KCTD1: variants seen among roughly 807,000 people sequenced by gnomAD.
KCTD1 encodes potassium channel tetramerization domain containing 1, also known as BTB/POZ domain-containing protein KCTD1.
A neutral mutation model predicts 66.0 loss-of-function variants in KCTD1; 24 were observed. The observed-to-expected ratio is 0.36, with a 90% confidence interval of 0.26 to 0.51. The LOEUF (loss-of-function observed/expected upper bound fraction) is 0.51. KCTD1 is among the 20% of genes least tolerant of loss of function. The pLI is 0.95. For synonymous variants in KCTD1, 511 were observed against 517.2 expected (o/e 0.99, Z 0.16); for missense variants, 943 against 1,205.2 (o/e 0.78, Z 3.22).
intron 1 of KCTD1, among the ~76,000 whole-genome samples, chr18:26,610,605 G>A (rs895029059): frequency 6.8e-6 from 1 of 146,648 alleles, no homozygotes; most frequent in Non-Finnish European, 1.5e-5. Context: ...AAGGAAGGAA[G>A]GAAGGAAGGA....
rs1189243453 is a variant in KCTD1, at chr18:26,480,076, A to G, written c.1989-3417T>C. Among the ~76,000 whole-genome samples, 4 of 150,054 alleles carry G rather than the reference A, an allele frequency of 2.7e-5. No individual in the cohort carries two copies. The East Asian group carries it at 7.9e-4, about 30-fold the overall frequency. ...TTTTTTTTTTTCACTCATTGAATCA[A>G]GTGGCAATGCTGAGAACGACTTTCT... On this transcript the variant is annotated intron_variant, in intron 2 of 4. Transcript: ENST00000580059.
chr18:26,555,306 A>G (rs1451130240), intron 1 of KCTD1, among the ~76,000 whole-genome samples: 3 of 152,222 alleles, frequency 2.0e-5, no homozygotes, highest in Non-Finnish European at 1.5e-5. Context: ...TTTTACTATC[A>G]ATATAAATTA....
intron 1 of KCTD1, among the ~76,000 whole-genome samples, chr18:26,621,452 C>A (rs1032936052): frequency 5.3e-5 from 8 of 152,124 alleles, no homozygotes; most frequent in African/African-American, 1.9e-4. Context: ...CGGCGGAATT[C>A]GTCTTAGCCG....
intron 1 of KCTD1, among the ~76,000 whole-genome samples, chr18:26,515,317 T>C (rs1397309365): frequency 6.6e-6 from 1 of 152,164 alleles, no homozygotes; most frequent in Non-Finnish European, 1.5e-5. Flanking sequence ...ATGCCATCTT[T>C]TGCAAAGAAG....
upstream of KCTD1, among the ~76,000 whole-genome samples, chr18:26,643,684 C>G (rs546854424): frequency 6.6e-6 from 1 of 152,030 alleles, no homozygotes; most frequent in Non-Finnish European, 1.5e-5. Context: ...GCCTGCTGGC[C>G]GGGTGCGGTG....
At chr18:26,550,800 C>T (rs1435479915), upstream of KCTD1, among the ~76,000 whole-genome samples, 1 of 152,242 alleles carries the variant, frequency 6.6e-6, no homozygotes, top group East Asian at 1.9e-4. The surrounding 1 kb of genome is among the most constrained non-coding windows in gnomAD (Gnocchi z 5.4). Context: ...CCCCCACATA[C>T]GAGCTGGCAC....
At chr18:26,630,978 C>A (rs1987606733), upstream of KCTD1, among the ~76,000 whole-genome samples, 1 of 151,782 alleles carries the variant, frequency 6.6e-6, no homozygotes, top group Non-Finnish European at 1.5e-5. Context: ...ATCTTGATAT[C>A]CTCCCTACAC....
At chr18:26,614,864 T>C (rs2145001222) in intron 1 of KCTD1, among the ~76,000 whole-genome samples, 1 of 152,368 alleles carries the variant, frequency 6.6e-6, no homozygotes, top group South Asian at 2.1e-4. Flanking sequence ...TTACCAGTTA[T>C]GTACCGTGAA....
chr18:26,638,776 T>C (rs1273519407), intron 1 of KCTD1, among the ~76,000 whole-genome samples: 1 of 152,248 alleles, frequency 6.6e-6, no homozygotes, highest in African/African-American at 2.4e-5. Context: ...CAACTGCCTC[T>C]TTCCTGACTT....
chr18:26,625,504 C>T (rs1987479332), intron 1 of KCTD1, among the ~76,000 whole-genome samples: 1 of 152,144 alleles, frequency 6.6e-6, no homozygotes, highest in Non-Finnish European at 1.5e-5. Context: ...CTCCTTCCTG[C>T]CACCATGTGG....
At chr18:26,485,701 A>G (rs1322451834) in intron 2 of KCTD1, among the ~76,000 whole-genome samples, 1 of 152,112 alleles carries the variant, frequency 6.6e-6, no homozygotes, top group African/African-American at 2.4e-5. Flanking sequence ...GCAGGCAAGC[A>G]TGAGCATATG....
chr18:26,648,570 AT>A (rs529659337), intron 1 of KCTD1, among the ~76,000 whole-genome samples: 27 of 152,138 alleles, frequency 1.8e-4, no homozygotes, highest in Non-Finnish European at 3.4e-4. Flanking sequence ...CAGAGTAAAT[AT>A]TTTTTCCTCA....
chr18:26,466,933 G>T (rs1264851019), intron 3 of KCTD1, among the ~76,000 whole-genome samples: 2 of 152,278 alleles, frequency 1.3e-5, no homozygotes, highest in Non-Finnish European at 2.9e-5. Flanking sequence ...AGGACAGCTA[G>T]CCCAGTCTCC....
chr18:26,567,064 A>T (rs924623992), intron 1 of KCTD1: 4 of 152,100 alleles, frequency 2.6e-5, no homozygotes, highest in Non-Finnish European at 5.9e-5. Context: ...AAGAAAAGGG[A>T]GTAACTCTGA....
At chr18:26,573,477 G>T (rs559561090) in intron 1 of KCTD1, among the ~76,000 whole-genome samples, 3 of 152,282 alleles carry the variant, frequency 2.0e-5, no homozygotes, top group South Asian at 4.1e-4. Context: ...GACAAAAAGG[G>T]CAAGTTGTTT....
At chr18:26,593,631 TGAGGAGGAAGAG>T in intron 1 of KCTD1, among the ~76,000 whole-genome samples, 1 of 28,460 alleles carries the variant, frequency 3.5e-5, no homozygotes, top group Admixed American at 3.9e-4. Context: ...AGGAGGAAGA[TGAGGAGGAAGAG>T]AAGGAAGAGG....
At chr18:26,548,871 G>A, upstream of KCTD1, 1 of 1,005,562 alleles carries the variant, frequency 9.9e-7, no homozygotes, top group Non-Finnish European at 1.2e-6. Flanking sequence ...GTCGGTGGGG[G>A]CGAAACACTC....
intron 1 of KCTD1, chr18:26,575,124 G>A (rs1986195157): frequency 6.6e-6 from 1 of 152,030 alleles, no homozygotes; most frequent in East Asian, 1.9e-4. Context: ...TGAGACTCCT[G>A]TTGCAGAAAG....
At chr18:26,487,998 C>T (rs1205207037) in intron 2 of KCTD1, among the ~76,000 whole-genome samples, 2 of 152,204 alleles carry the variant, frequency 1.3e-5, no homozygotes, top group African/African-American at 4.8e-5. Context: ...TCTTGTTCCA[C>T]TAGCTTTTCA....
Sources: allele counts gnomAD v4.1 joint callset (sites outside exome capture counted in the v4.1 genomes callset), GRCh38; gene constraint gnomAD v4.1.1; non-coding constraint Gnocchi (gnomAD v3.1); transcripts MANE v1.5; gene names NCBI Gene and HGNC (gene_info 2026-07-23, HGNC 2026-07-21).